The following DOK2 variants were observed in gnomAD, a reference collection of about 807,000 sequenced individuals.
DOK2 encodes docking protein 2, also known as docking protein 2, 56kD.
Under a neutral mutation model 26.0 loss-of-function variants are expected in DOK2, and 28 were observed. That is an observed-to-expected ratio of 1.08 (90% CI 0.80 to 1.48). The LOEUF (loss-of-function observed/expected upper bound fraction) is 1.48, where lower values mean the gene tolerates loss of function less well. Ranked by LOEUF, DOK2 falls within the 40% of genes most tolerant of loss-of-function variation. The pLI is 0.00. For synonymous variants in DOK2, 282 were observed against 236.9 expected, an observed-to-expected ratio of 1.19 and a Z score of -1.75; for missense variants, 682 against 558.2, an observed-to-expected ratio of 1.22 and a Z score of -2.23.
chr8:21,909,480 T>G lies in DOK2; in HGVS notation c.1070A>C (p.Tyr357Ser). Residue 357 changes from tyrosine to serine, a missense_variant, in exon 5 of 5, where the codon TAT (tyrosine) becomes TCT (serine). Coordinates refer to ENST00000276420, the MANE Select transcript of DOK2 (RefSeq NM_003974.4). ...EPEGVAALSL[Y>S]DSPQEPRGEA... ...ACCCCGGGGCTCCTGCGGGCTGTCATAGAGGGACAGGGCAGCCACTCCCTC... is the reference window on the plus strand; with the variant it reads ...ACCCCGGGGCTCCTGCGGGCTGTCAGAGAGGGACAGGGCAGCCACTCCCTC... 3 of 1,613,878 alleles carry G rather than the reference T, an allele frequency of 1.9e-6. No homozygotes were observed. Among genetic ancestry groups the G allele is most frequent in the Non-Finnish European group, 1.7e-6 (2 of 1,179,944 alleles).
intron 3 of DOK2, among the ~76,000 whole-genome samples, chr8:21,911,421 A>G (rs985597107): frequency 6.6e-6 from 1 of 152,146 alleles, no homozygotes; most frequent in African/African-American, 2.4e-5. Context: ...AGCCTGGCCA[A>G]CATGGTGAAA....
Position 21,909,787 on chromosome 8 carries a change from G to C in DOK2, c.763C>G (p.Pro255Ala). The C allele has an allele frequency of 6.2e-7, 1 of 1,614,034 alleles. No homozygotes were observed. Among genetic ancestry groups the C allele is most frequent in the Non-Finnish European group, 8.5e-7 (1 of 1,180,026 alleles). Residue 255 changes from proline to alanine, a missense_variant, in exon 5 of 5, where the codon CCG (proline) becomes GCG (alanine). By Grantham distance (27) the Pro-to-Ala change is conservative. Coordinates refer to ENST00000276420, the MANE Select transcript of DOK2 (RefSeq NM_003974.4). Reference protein sequence around the residue: ...QKNAAPATPQPQPATIPASLP... With the variant: ...QKNAAPATPQAQPATIPASLP... The stretch of plus-strand genomic sequence containing the variant: ...GACGCGGGGATTGTGGCTGGCTGCG[G>C]TTGGGGTGTAGCGGGTGCAGCATTC...
chr8:21,911,728 G>A (rs1809852547), intron 3 of DOK2, among the ~76,000 whole-genome samples, 173 bp downstream of exon 3: 3 of 152,182 alleles, frequency 2.0e-5, no homozygotes, highest in Non-Finnish European at 4.4e-5. Context: ...GGCTCCCTAC[G>A]TTGGGCTGCA....
In DOK2 at chr8:21,911,895, C is replaced by T. The variant is rs1049464678; in HGVS notation, c.433+6G>A. 12 of 1,557,012 alleles carry T rather than the reference C, an allele frequency of 7.7e-6. No individual in the cohort carries two copies. In the South Asian group the frequency reaches 1.4e-4, roughly 18 times the overall value. On this transcript the variant is annotated splice_donor_region_variant and intron_variant, in intron 3 of 4. Transcript: ENST00000276420. ...GGGGAGAGCAGGGCAGCCCCCGCCCCCTCACCTGTGACTGCGCTGCTGTAC... is the reference window on the plus strand; with the variant it reads ...GGGGAGAGCAGGGCAGCCCCCGCCCTCTCACCTGTGACTGCGCTGCTGTAC...
At position 21,911,990 on chromosome 8, in the gene DOK2, T is replaced by C. The variant is rs1809869026; in HGVS notation, c.346-2A>G. On this transcript the variant is annotated splice_acceptor_variant, in intron 2 of 4. Coordinates refer to ENST00000276420, the MANE Select transcript of DOK2 (RefSeq NM_003974.4). LOFTEE classifies it high-confidence loss of function. The stretch of plus-strand genomic sequence containing the variant: ...CCCCGAGAGCTCCTTCCTCTGCCCC[T>C]AGGGAGGAGGCGCCCCGTCTCATCA... The C allele has an allele frequency of 6.5e-7, 1 of 1,549,276 alleles. No homozygotes were observed. Among genetic ancestry groups the C allele is most frequent in the Non-Finnish European group, 8.7e-7 (1 of 1,147,262 alleles).
intron 3 of DOK2, 54 bp downstream of exon 3, chr8:21,911,847 C>T: frequency 6.6e-7 from 1 of 1,522,200 alleles, no homozygotes; most frequent in Non-Finnish European, 8.8e-7. Context: ...CTCCTCTCCA[C>T]CTCACCCTGG....
rs1018020925 is a variant in DOK2, at chr8:21,908,966, A to G, written c.*345T>C. The G allele has an allele frequency of 1.0e-5, 2 of 200,008 alleles. No homozygotes were observed. The highest frequency in any genetic ancestry group is 2.0e-5 in the Non-Finnish European group (2 of 99,132). 12.4% of individuals were successfully genotyped at this position (200,008 alleles called of 1,614,324 possible). On this transcript the variant is annotated 3_prime_UTR_variant, in exon 5 of 5. Coordinates refer to ENST00000276420, the MANE Select transcript of DOK2 (RefSeq NM_003974.4). ...GTGCCTGGGCCCAGGCTGTCCCTGA[A>G]GTGGCCATCAGCAGGCAGGAGGCTT...
chr8:21,911,946 G>T lies in DOK2; in HGVS notation c.388C>A (p.Arg130=). ...ELSGPEGKQS[R]PCMEENELYS... The stretch of plus-strand genomic sequence containing the variant: ...AATTCATTTTCCTCCATGCAGGGCC[G>T]GCTCTGCTTTCCCTCTGGCCCCGAG... Residue 130 remains arginine, a synonymous_variant, in exon 3 of 5, where the codon CGG becomes AGG. Coordinates refer to ENST00000276420, the MANE Select transcript of DOK2 (RefSeq NM_003974.4). 6.4e-7 allele frequency: 1 copy of T among 1,562,130 alleles called. No individual in the cohort carries two copies. The highest frequency in any genetic ancestry group is 8.7e-7 in the Non-Finnish European group (1 of 1,153,116).
At position 21,910,865 on chromosome 8, in the gene DOK2, G is replaced by A. The variant is rs1271318002; in HGVS notation, c.434-8C>T. Reference sequence around the variant, plus strand: ...ATTCCTTGTGGGGGCCGACTGGGGAGAAGAAGAGAGAGAAGGCGAAGGCAG... The same window carrying A: ...ATTCCTTGTGGGGGCCGACTGGGGAAAAGAAGAGAGAGAAGGCGAAGGCAG... On this transcript the variant is annotated splice_polypyrimidine_tract_variant and splice_region_variant and intron_variant, in intron 3 of 4. Transcript: ENST00000276420. The A allele has an allele frequency of 6.3e-7, 1 of 1,593,314 alleles. No individual in the cohort carries two copies. Among genetic ancestry groups the A allele is most frequent in the Non-Finnish European group, 8.6e-7 (1 of 1,169,128 alleles).
At position 21,913,532 on chromosome 8, in the gene DOK2, C is replaced by T. The variant is rs1298622971; in HGVS notation, c.63+7G>A. On this transcript the variant is annotated splice_region_variant and intron_variant, in intron 1 of 4. Coordinates refer to ENST00000276420, the MANE Select transcript of DOK2 (RefSeq NM_003974.4). The stretch of plus-strand genomic sequence containing the variant: ...CCTGCCCAACCCCAGCCCAGCCTCA[C>T]TCCTACCTTTCCAAACGTCTGCTGC... 2 of 1,614,090 alleles carry T rather than the reference C, an allele frequency of 1.2e-6. No homozygotes were observed. Among genetic ancestry groups the T allele is most frequent in the South Asian group, 1.1e-5 (1 of 91,086 alleles).
intron 1 of DOK2, among the ~76,000 whole-genome samples, chr8:21,912,927 G>T (rs1809915827): frequency 6.6e-6 from 1 of 152,222 alleles, no homozygotes; most frequent in Non-Finnish European, 1.5e-5. Flanking sequence ...TTCTCCTTCT[G>T]TGCGAAATCC....
chr8:21,912,182 C>T (rs937874835), intron 2 of DOK2, 47 bp downstream of exon 2: 41 of 1,502,356 alleles, frequency 2.7e-5, no homozygotes, highest in Non-Finnish European at 3.3e-5. Flanking sequence ...ATCTAACACC[C>T]TCGGCCTGCA....
Position 21,910,711 on chromosome 8 carries a change from A to G in DOK2, c.580T>C (p.Trp194Arg). The G allele has an allele frequency of 1.9e-6, 3 of 1,614,102 alleles. No homozygotes were observed. The highest frequency in any genetic ancestry group is 2.5e-6 in the Non-Finnish European group (3 of 1,180,032). ...AAGCGCCGCAGAAACCTGTAGGGCC[A>G]GTCGTACAGCTGGGTCCCTGGCTCG... ...GPEPGTQLYD[W>R]PYRFLRRFGR... The change falls in exon 4 of 5, where the codon TGG (tryptophan) becomes CGG (arginine). Residue 194 changes from tryptophan (W) to arginine (R), a missense_variant. By Grantham distance (101) the Trp-to-Arg change is moderately radical. Coordinates refer to ENST00000276420, the MANE Select transcript of DOK2 (RefSeq NM_003974.4).
rs56094005 is a variant in DOK2, at chr8:21,911,921, A to G, written c.413T>C (p.Leu138Ser). 56,277 of 1,562,484 alleles carry G rather than the reference A, an allele frequency of 0.036. 1,219 individuals are homozygous for G. Among genetic ancestry groups the G allele is most frequent in the Non-Finnish European group, 0.043 (49,576 of 1,153,240 alleles). Residue 138 changes from leucine to serine, a missense_variant, in exon 3 of 5, where the codon TTG (leucine) becomes TCG (serine). Transcript: ENST00000276420. Reference sequence around the variant, plus strand: ...CTCACCTGTGACTGCGCTGCTGTACAATTCATTTTCCTCCATGCAGGGCCG... The same window carrying G: ...CTCACCTGTGACTGCGCTGCTGTACGATTCATTTTCCTCCATGCAGGGCCG... The part of the protein sequence containing the change: ...QSRPCMEENE[L>S]YSSAVTVGPH...
In DOK2 at chr8:21,910,860, G is replaced by T; in HGVS notation, c.434-3C>A. On this transcript the variant is annotated splice_polypyrimidine_tract_variant and splice_region_variant and intron_variant, in intron 3 of 4. Coordinates refer to ENST00000276420, the MANE Select transcript of DOK2 (RefSeq NM_003974.4). ...AGCAAATTCCTTGTGGGGGCCGACT[G>T]GGGAGAAGAAGAGAGAGAAGGCGAA... 6.3e-7 allele frequency: 1 copy of T among 1,598,494 alleles called. No individual in the cohort carries two copies. The highest frequency in any genetic ancestry group is 1.1e-5 in the South Asian group (1 of 89,566).
At chr8:21,910,178 C>T (rs1231510130) in intron 4 of DOK2, among the ~76,000 whole-genome samples, 1 of 152,112 alleles carries the variant, frequency 6.6e-6, no homozygotes, top group African/African-American at 2.4e-5. Context: ...GACAGGGTTT[C>T]ACCATGTTGG....
rs369991976 is a variant in DOK2 at position 21,912,485 on chromosome 8, A to G, written c.89T>C (p.Leu30Pro). ...CAAGGCGCAGTCCGACCCTCCATAC[A>G]GTGAGGCGCCGAAGCGGCGCCATTT... ...GKKWRRFGAS[L>P]YGGSDCALAR... The change falls in exon 2 of 5, where the codon CTG becomes CCG. Residue 30 changes from leucine to proline, a missense_variant. Transcript: ENST00000276420. 14 of 1,540,908 alleles carry G rather than the reference A, an allele frequency of 9.1e-6. No individual in the cohort carries two copies. Among genetic ancestry groups the G allele is most frequent in the Admixed American group, 4.0e-5 (2 of 50,356 alleles).
In DOK2 at chr8:21,911,894, C is replaced by A. The variant is rs1809861127; in HGVS notation, c.433+7G>T. 1.3e-6 allele frequency: 2 copies of A among 1,556,768 alleles called. No individual in the cohort carries two copies. Among genetic ancestry groups the A allele is most frequent in the Non-Finnish European group, 1.7e-6 (2 of 1,150,560 alleles). ...AGGGGAGAGCAGGGCAGCCCCCGCC[C>A]CCTCACCTGTGACTGCGCTGCTGTA... On this transcript the variant is annotated splice_region_variant and intron_variant, in intron 3 of 4. Transcript: ENST00000276420.
At chr8:21,911,094 A>C (rs1585398223) in intron 3 of DOK2, 4 of 511,566 alleles carry the variant, frequency 7.8e-6, no homozygotes, top group South Asian at 2.7e-5. Flanking sequence ...ACCCACATCC[A>C]CCCCAACCTC....
Sources: gnomAD v4.1 joint callset for allele counts (sites outside exome capture counted in the v4.1 genomes callset) on GRCh38, gnomAD v4.1.1 for gene constraint, MANE v1.5 for transcripts, NCBI Gene and HGNC (gene_info 2026-07-23, HGNC 2026-07-21) for gene names.